PTPRD: variants seen among roughly 807,000 people sequenced by gnomAD.
PTPRD encodes protein tyrosine phosphatase receptor type D.
In PTPRD, 34 loss-of-function variants were observed where a neutral mutation model predicts 214.5. The observed-to-expected ratio is 0.16, with a 90% CI of 0.12 to 0.21. The LOEUF (loss-of-function observed/expected upper bound fraction) is 0.21, where lower values mean the gene tolerates loss of function less well. Ranked by LOEUF, PTPRD falls within the 10% of genes least tolerant of loss-of-function variation. The pLI is 1.00. For missense variants in PTPRD, 2,545 were observed against 2,398.7 expected (o/e 1.06, Z -1.27); for synonymous variants, 1,128 against 845.7 (o/e 1.33, Z -5.79).
chr9:9,211,673 T>A (rs748480619), intron 9 of PTPRD, among the ~76,000 whole-genome samples: 2 of 152,210 alleles, frequency 1.3e-5, no homozygotes, highest in Non-Finnish European at 2.9e-5. Context: ...AATAAACAAT[T>A]ACATGTAACA....
At chr9:9,303,535 C>A (rs184990187) in intron 9 of PTPRD, among the ~76,000 whole-genome samples, 12 of 152,156 alleles carry the variant, frequency 7.9e-5, no homozygotes, top group Admixed American at 7.2e-4. Flanking sequence ...AAAAAGCTAT[C>A]TTACAAAATG....
intron 5 of PTPRD, among the ~76,000 whole-genome samples, chr9:9,828,445 G>T (rs537989038): frequency 1.3e-5 from 2 of 152,058 alleles, no homozygotes; most frequent in Admixed American, 1.3e-4. Flanking sequence ...GGTGGGAATT[G>T]AACAATGAGA....
chr9:9,784,968 G>C (rs1410671422), intron 5 of PTPRD, among the ~76,000 whole-genome samples: 1 of 151,238 alleles, frequency 6.6e-6, no homozygotes, highest in Non-Finnish European at 1.5e-5. Flanking sequence ...TACAGGGTTT[G>C]GGTGAATATA....
chr9:8,392,255 T>C (rs2089855545), intron 36 of PTPRD, among the ~76,000 whole-genome samples: 1 of 151,974 alleles, frequency 6.6e-6, no homozygotes, highest in South Asian at 2.1e-4. Flanking sequence ...GCTGGCATGG[T>C]GGCTCATGCC....
Position 9,738,184 on chromosome 9 carries a change from G to T in PTPRD, c.-325-3613C>A, listed in dbSNP as rs373081535. 1.2e-3 allele frequency among the ~76,000 whole-genome samples: 187 copies of T among 152,030 alleles called. 1 individual carries two copies. The highest frequency in any genetic ancestry group is 4.1e-3 in the African/African-American group (172 of 41,462). On this transcript the variant is annotated intron_variant, in intron 6 of 45. Coordinates refer to ENST00000381196, the MANE Select transcript of PTPRD (RefSeq NM_002839.4). ...GAGTTAACGGGTGAGGCACACCAAC[G>T]TGGCACATGTATACATATGTAACAA...
intron 27 of PTPRD, among the ~76,000 whole-genome samples, chr9:8,491,617 C>T (rs1047537475): frequency 2.0e-5 from 3 of 150,186 alleles, no homozygotes; most frequent in African/African-American, 7.4e-5. Context: ...GAATACATGC[C>T]TGCTCTTCAG....
chr9:8,926,394 G>A (rs79457667), intron 11 of PTPRD, among the ~76,000 whole-genome samples: 1,631 of 152,120 alleles, frequency 0.011, 23 homozygotes, highest in African/African-American at 0.036. Context: ...TAAACACTAG[G>A]TCCTAGGCAC....
intron 14 of PTPRD, among the ~76,000 whole-genome samples, chr9:8,568,621 G>C (rs1170243103): frequency 6.6e-6 from 1 of 152,130 alleles, no homozygotes; most frequent in African/African-American, 2.4e-5. Flanking sequence ...GTGTCTGGTA[G>C]ATTTAATTTT....
At chr9:8,394,791 T>C (rs2090640319) in intron 36 of PTPRD, among the ~76,000 whole-genome samples, 1 of 152,164 alleles carries the variant, frequency 6.6e-6, no homozygotes, top group African/African-American at 2.4e-5. Context: ...TGCTTCTACC[T>C]TTGATGTGCT....
intron 12 of PTPRD, among the ~76,000 whole-genome samples, chr9:8,722,503 T>C (rs928569126): frequency 6.6e-6 from 1 of 152,208 alleles, no homozygotes; most frequent in African/African-American, 2.4e-5. Context: ...AAAGGGTTTT[T>C]TTTTTTCTTA....
chr9:10,054,188 A>C (rs2097581650), intron 3 of PTPRD, among the ~76,000 whole-genome samples: 1 of 152,198 alleles, frequency 6.6e-6, no homozygotes, highest in Non-Finnish European at 1.5e-5. Context: ...CAATGATGGA[A>C]ACAAAATATT....
chr9:10,507,511 A>G (rs1320998710), intron 2 of PTPRD, among the ~76,000 whole-genome samples: 1 of 152,178 alleles, frequency 6.6e-6, no homozygotes, highest in Non-Finnish European at 1.5e-5. Flanking sequence ...AGCCAAAAGA[A>G]CAAAGCTGGA....
At chr9:9,193,440 A>G (rs1180905778) in intron 9 of PTPRD, among the ~76,000 whole-genome samples, 1 of 152,148 alleles carries the variant, frequency 6.6e-6, no homozygotes, top group African/African-American at 2.4e-5. Flanking sequence ...TGATAGGAAT[A>G]CATTCTGAGA....
intron 8 of PTPRD, among the ~76,000 whole-genome samples, chr9:9,407,219 G>A (rs1469626861): frequency 6.6e-6 from 1 of 151,374 alleles, no homozygotes; most frequent in African/African-American, 2.4e-5. Flanking sequence ...TGGCTTTTTT[G>A]GCTCCATTTC....
At chr9:8,321,096 T>C (rs972233488) in intron 44 of PTPRD, among the ~76,000 whole-genome samples, 3 of 152,200 alleles carry the variant, frequency 2.0e-5, no homozygotes, top group African/African-American at 4.8e-5. Flanking sequence ...TAAGAAGTGA[T>C]TGAAGATGTC....
intron 5 of PTPRD, among the ~76,000 whole-genome samples, chr9:9,845,735 A>G (rs1599582721): frequency 6.6e-6 from 1 of 152,094 alleles, no homozygotes; most frequent in South Asian, 2.1e-4. Flanking sequence ...CAATCATATG[A>G]GAGAAAATCT....
chr9:8,399,004 C>T (rs996915285), intron 36 of PTPRD, among the ~76,000 whole-genome samples: 2 of 151,720 alleles, frequency 1.3e-5, no homozygotes, highest in Non-Finnish European at 2.9e-5. Context: ...TTCTTCATCA[C>T]TTCTAACCCT....
At chr9:9,524,023 C>T (rs577425203) in intron 8 of PTPRD, among the ~76,000 whole-genome samples, 2 of 152,238 alleles carry the variant, frequency 1.3e-5, no homozygotes, top group South Asian at 2.1e-4. Context: ...CAAATTCGCC[C>T]AGGGCAGTGA....
At chr9:8,390,850 T>G (rs1397244959) in intron 36 of PTPRD, among the ~76,000 whole-genome samples, 2 of 152,192 alleles carry the variant, frequency 1.3e-5, no homozygotes, top group Non-Finnish European at 2.9e-5. Flanking sequence ...GGATAAGAGC[T>G]GCCTGTGAGA....
Sources: allele counts gnomAD v4.1 joint callset (sites outside exome capture counted in the v4.1 genomes callset), GRCh38; gene constraint gnomAD v4.1.1; transcripts MANE v1.5; gene names NCBI Gene and HGNC (gene_info 2026-07-23, HGNC 2026-07-21).